The following PARG variants were observed in gnomAD, a reference collection of about 807,000 sequenced individuals.
PARG encodes the protein mitochondrial poly(ADP-ribose) glycohydrolase.
In PARG, 35 loss-of-function variants were observed where a neutral mutation model predicts 113.0. The ratio of observed to expected loss-of-function variants is 0.31; its 90% confidence interval spans 0.24 to 0.41. PARG has a LOEUF of 0.41. Ranked by LOEUF, PARG falls within the 10% of genes least tolerant of loss-of-function variation. The pLI, the probability that PARG is intolerant of heterozygous loss-of-function variation, is 1.00. For missense variants in PARG, 797 were observed against 1,169.4 expected (o/e 0.68, Z 4.64); for synonymous variants, 330 against 409.9 (o/e 0.81, Z 2.36).
chr10:49,868,027 G>A (rs1375815194), intron 10 of PARG, among the ~76,000 whole-genome samples: 4 of 152,050 alleles, frequency 2.6e-5, no homozygotes, highest in Non-Finnish European at 4.4e-5. Context: ...TTGCTCTGTC[G>A]CCCAGGCTAG....
At chr10:49,893,693 T>C (rs1178194956) in intron 7 of PARG, among the ~76,000 whole-genome samples, 40 of 151,712 alleles carry the variant, frequency 2.6e-4, no homozygotes, top group Non-Finnish European at 2.9e-5. Context: ...TTTTGACTTT[T>C]TTTTTTTTCC....
intron 16 of PARG, among the ~76,000 whole-genome samples, chr10:49,829,143 G>A (rs1469661731): frequency 6.6e-6 from 1 of 152,094 alleles, no homozygotes; most frequent in African/African-American, 2.4e-5. Flanking sequence ...GGCTGAGGGA[G>A]GAGAATTGCT....
At chr10:49,821,581 T>C (rs1360995933) in intron 16 of PARG, among the ~76,000 whole-genome samples, 1 of 152,282 alleles carries the variant, frequency 6.6e-6, no homozygotes, top group East Asian at 1.9e-4. Flanking sequence ...GGTTTCACCA[T>C]GTTGGCCAGG....
intron 13 of PARG, among the ~76,000 whole-genome samples, chr10:49,848,519 A>T: frequency 6.8e-6 from 1 of 147,026 alleles, no homozygotes; most frequent in Non-Finnish European, 1.5e-5. Context: ...AATAATTTGT[A>T]TTTTAATTAT....
At chr10:49,901,630 ACT>A in intron 7 of PARG, among the ~76,000 whole-genome samples, 1 of 152,238 alleles carries the variant, frequency 6.6e-6, no homozygotes, top group Non-Finnish European at 1.5e-5. Flanking sequence ...GCTTGAGGAC[ACT>A]CTCTGGAAGC....
At chr10:49,893,309 C>T (rs1847904139) in intron 7 of PARG, among the ~76,000 whole-genome samples, 1 of 152,178 alleles carries the variant, frequency 6.6e-6, no homozygotes, top group South Asian at 2.1e-4. Flanking sequence ...GGCATTTCTC[C>T]AGTGACAAAT....
At chr10:49,896,984 C>T (rs879975254) in intron 7 of PARG, among the ~76,000 whole-genome samples, 3 of 152,188 alleles carry the variant, frequency 2.0e-5, no homozygotes, top group South Asian at 2.1e-4. Context: ...CTTTGTCTCA[C>T]ATATGTTAAA....
intron 16 of PARG, among the ~76,000 whole-genome samples, chr10:49,830,825 T>G (rs936660750): frequency 3.3e-5 from 5 of 152,186 alleles, no homozygotes; most frequent in African/African-American, 1.2e-4. Context: ...TACGTATTCT[T>G]TGAGTCATTA....
Position 49,843,579 on chromosome 10 carries a change from G to A in PARG, c.2407C>T (p.Arg803Trp), listed in dbSNP as rs368903583. The A allele has an allele frequency of 7.1e-6, 11 of 1,550,444 alleles. No individual in the cohort carries two copies. The East Asian group carries it at 1.7e-4, about 24-fold the overall frequency. The stretch of plus-strand genomic sequence containing the variant: ...CTTTCACTCCCATCTTCGTGGCTCC[G>A]GGACCAACGATATGTCTCAGCATAG... ...TGYAETYRWS[R>W]SHEDGSERDD... Residue 803 changes from arginine (R) to tryptophan (W), a missense_variant, in exon 14 of 18, where the codon CGG (arginine) becomes TGG (tryptophan). Around this residue, in one of 5 missense-constraint regions of PARG, gnomAD observed 194 missense variants for 247.1 expected, o/e 0.79. Transcript: ENST00000616448.
At chr10:49,903,620 T>A (rs1310742645) in intron 7 of PARG, among the ~76,000 whole-genome samples, 1 of 152,166 alleles carries the variant, frequency 6.6e-6, no homozygotes, top group Non-Finnish European at 1.5e-5. Flanking sequence ...CAGGTACTAC[T>A]GTGAGCACAC....
chr10:49,929,774 C>T (rs1838396526), intron 4 of PARG, among the ~76,000 whole-genome samples: 2 of 148,912 alleles, frequency 1.3e-5, no homozygotes, highest in South Asian at 2.1e-4. Context: ...TGCCATGAGC[C>T]GAGATCGTGC....
chr10:49,933,155 G>C, intron 3 of PARG, 22 bp downstream of exon 3: 1 of 1,508,038 alleles, frequency 6.6e-7, no homozygotes. Context: ...CTATTGGAGA[G>C]ATACTGCTGA....
chr10:49,869,281 C>G (rs1218043589), intron 10 of PARG, among the ~76,000 whole-genome samples, 195 bp downstream of exon 10: 1 of 152,154 alleles, frequency 6.6e-6, no homozygotes, highest in African/African-American at 2.4e-5. Context: ...ACCCCGCCCC[C>G]CTACATTTAG....
At chr10:49,911,919 A>G (rs1325087995) in intron 7 of PARG, among the ~76,000 whole-genome samples, 1 of 152,250 alleles carries the variant, frequency 6.6e-6, no homozygotes, top group African/African-American at 2.4e-5. Context: ...TAACTGCAAA[A>G]TATTAATCTT....
chr10:49,928,586 G>A (rs1210897098), intron 4 of PARG, among the ~76,000 whole-genome samples: 1 of 152,156 alleles, frequency 6.6e-6, no homozygotes, highest in African/African-American at 2.4e-5. Context: ...CTGTCATCCA[G>A]GCTAAACTGC....
intron 10 of PARG, among the ~76,000 whole-genome samples, chr10:49,868,344 T>C (rs1846622705): frequency 6.6e-6 from 1 of 152,206 alleles, no homozygotes; most frequent in Admixed American, 6.5e-5. Context: ...TTGTGTCTCA[T>C]AGGTCCAAAT....
At chr10:49,897,003 C>T (rs1476152609) in intron 7 of PARG, among the ~76,000 whole-genome samples, 2 of 151,810 alleles carry the variant, frequency 1.3e-5, no homozygotes, top group Non-Finnish European at 2.9e-5. Flanking sequence ...AAATAGTCTC[C>T]CCTGTCTGTC....
At chr10:49,839,318 C>T (rs1305923984) in intron 15 of PARG, among the ~76,000 whole-genome samples, 5 of 149,226 alleles carry the variant, frequency 3.4e-5, no homozygotes, top group Admixed American at 1.3e-4. Flanking sequence ...GCCAGGGCAA[C>T]GAGTGAAATT....
chr10:49,941,877 G>C lies in PARG; in HGVS notation c.-152C>G. The C allele has an allele frequency of 5.8e-6, 8 of 1,387,776 alleles. No individual in the cohort carries two copies. The highest frequency in any genetic ancestry group is 7.9e-6 in the Non-Finnish European group (8 of 1,011,558). The allele number at this position is 1,387,776 out of a possible 1,614,324, so 86.0% of individuals were successfully genotyped here. A position where few individuals can be genotyped will look rare whatever the true frequency, so the allele number is the denominator to read the frequency against. On this transcript the variant is annotated 5_prime_UTR_variant, in exon 1 of 18. Transcript: ENST00000616448. ...TGCTTCTGCAATTGCTGATCCGCCG[G>C]CCTCCCAAGTCAGGCCGTAAACACT... is the stretch of plus-strand genomic sequence containing the variant.
Sources: gnomAD v4.1 joint callset for allele counts (sites outside exome capture counted in the v4.1 genomes callset) on GRCh38, gnomAD v4.1.1 for gene constraint, gnomAD v4.1.1 regional missense constraint, MANE v1.5 for transcripts, NCBI Gene and HGNC (gene_info 2026-07-23, HGNC 2026-07-21) for gene names.